The following C2orf92 variants were observed in gnomAD, a reference collection of about 807,000 sequenced individuals.
C2orf92 encodes the protein chromosome 2 open reading frame 92.
At chr2:97,664,175 T>G (rs189051742), upstream of C2orf92, 3 of 202,470 alleles carry the variant, frequency 1.5e-5, no homozygotes, top group African/African-American at 7.0e-5. Context: ...CGGAAAAAAG[T>G]GGTCGCGGCG....
upstream of C2orf92, among the ~76,000 whole-genome samples, chr2:97,666,675 T>C (rs1675240613): frequency 2.0e-5 from 3 of 151,456 alleles, no homozygotes; most frequent in African/African-American, 7.3e-5. Context: ...AAACCCTGTC[T>C]CTACAAAAAA....
chr2:97,679,639 T>C (rs1253067161), intron 3 of C2orf92, among the ~76,000 whole-genome samples: 5 of 151,370 alleles, frequency 3.3e-5, no homozygotes, highest in Admixed American at 2.0e-4. Context: ...GTCAGGAGTT[T>C]GAAACCAGCC....
intron 3 of C2orf92, among the ~76,000 whole-genome samples, 174 bp downstream of exon 3, chr2:97,676,102 G>A (rs1269971914): frequency 6.6e-6 from 1 of 152,058 alleles, no homozygotes; most frequent in Admixed American, 6.6e-5. Flanking sequence ...TAAGCTAAAC[G>A]TGGAAAATAA....
At chr2:97,673,968 T>G (rs1456125770) in intron 1 of C2orf92, among the ~76,000 whole-genome samples, 1 of 152,212 alleles carries the variant, frequency 6.6e-6, no homozygotes, top group African/African-American at 2.4e-5. Flanking sequence ...GCAGTCCGTG[T>G]GTTGCCATAG....
intron 3 of C2orf92, among the ~76,000 whole-genome samples, chr2:97,680,748 A>C (rs1386791095): frequency 6.6e-6 from 1 of 152,220 alleles, no homozygotes; most frequent in East Asian, 1.9e-4. Flanking sequence ...AACACGGTGA[A>C]ACCCCATCTC....
In C2orf92 at chr2:97,701,179, C is replaced by T. The variant is rs938964089; in HGVS notation, c.540C>T (p.Cys180=). The T allele has an allele frequency of 3.8e-5, 15 of 399,058 alleles. No homozygotes were observed. The highest frequency in any genetic ancestry group is 2.1e-4 in the African/African-American group (10 of 48,752). The allele number at this position is 399,058 out of a possible 1,614,324, so 24.7% of individuals were successfully genotyped here. ...ATGCTCACTTTAGGACTATGCCCTG[C>T]GGGCAGCTTCTGCACTTCCTGCAGA... The part of the protein sequence containing the change: ...KPDAHFRTMP[C]GQLLHFLQRN... Residue 180 remains cysteine, a synonymous_variant, in exon 7 of 8, where the codon TGC becomes TGT. Coordinates refer to ENST00000627399, the MANE Select transcript of C2orf92 (RefSeq NM_001351368.2).
chr2:97,702,059 A>G (rs1373153618), intron 7 of C2orf92: 1 of 152,328 alleles, frequency 6.6e-6, no homozygotes, highest in African/African-American at 2.4e-5. Context: ...CTGCGTCCCC[A>G]GGGACATGTA....
intron 3 of C2orf92, among the ~76,000 whole-genome samples, chr2:97,684,664 A>G (rs538473027): frequency 6.6e-6 from 1 of 152,304 alleles, no homozygotes; most frequent in South Asian, 2.1e-4. Flanking sequence ...TATCAAAGGC[A>G]TTTCTCCCAC....
upstream of C2orf92, among the ~76,000 whole-genome samples, chr2:97,667,438 T>G (rs1253401224): frequency 6.8e-6 from 1 of 147,544 alleles, no homozygotes; most frequent in Non-Finnish European, 1.5e-5. Context: ...AAGTTTTTTT[T>G]TTTTTTTTTT....
At chr2:97,680,740 C>T (rs979484189) in intron 3 of C2orf92, among the ~76,000 whole-genome samples, 1 of 152,094 alleles carries the variant, frequency 6.6e-6, no homozygotes, top group African/African-American at 2.4e-5. Flanking sequence ...TCCTGGCTAA[C>T]ACGGTGAAAC....
chr2:97,666,204 A>G (rs1005776618), upstream of C2orf92, among the ~76,000 whole-genome samples: 2 of 150,812 alleles, frequency 1.3e-5, no homozygotes, highest in South Asian at 2.1e-4. Flanking sequence ...TCTTATGACC[A>G]TGGGTTGGGA....
chr2:97,671,760 T>A, intron 1 of C2orf92: 2 of 338,432 alleles, frequency 5.9e-6, no homozygotes, highest in Non-Finnish European at 1.1e-5. Flanking sequence ...CACCTCACAC[T>A]AGCTGTGACA....
chr2:97,677,234 C>T (rs138839572), intron 3 of C2orf92, among the ~76,000 whole-genome samples: 106 of 152,162 alleles, frequency 7.0e-4, no homozygotes, highest in Non-Finnish European at 1.3e-3. Context: ...AAACTCAGGG[C>T]GCGTATTTTG....
At chr2:97,692,029 A>G (rs996853428) in intron 5 of C2orf92, among the ~76,000 whole-genome samples, 1 of 152,210 alleles carries the variant, frequency 6.6e-6, no homozygotes. Flanking sequence ...GAACTTTAAC[A>G]TCAACTTGTC....
intron 1 of C2orf92, chr2:97,672,133 C>G (rs1675437235): frequency 6.6e-6 from 1 of 151,958 alleles, no homozygotes. Flanking sequence ...GAAGTCTCTC[C>G]TGAGGGTGCC....
upstream of C2orf92, chr2:97,667,201 G>A (rs1001461493): frequency 2.6e-5 from 4 of 151,672 alleles, no homozygotes; most frequent in Non-Finnish European, 5.9e-5. Context: ...AGCAGACACC[G>A]AGTGTAGACT....
At chr2:97,701,012 T>C in intron 6 of C2orf92, 142 bp from the exon 7 acceptor site, 1 of 368,262 alleles carries the variant, frequency 2.7e-6, no homozygotes. Context: ...ATTACAGGCG[T>C]GAGCCACCGC....
At chr2:97,665,571 T>A (rs1214333607), upstream of C2orf92, among the ~76,000 whole-genome samples, 2 of 152,086 alleles carry the variant, frequency 1.3e-5, no homozygotes, top group East Asian at 3.9e-4. Flanking sequence ...AGGGGTCTTA[T>A]CTATGTAAAA....
intron 1 of C2orf92, chr2:97,670,284 G>A (rs1454043757): frequency 6.6e-6 from 1 of 152,250 alleles, no homozygotes; most frequent in East Asian, 1.9e-4. Context: ...TTGAGCTCAG[G>A]AGTTTGTGAC....
Sources: gnomAD v4.1 joint callset for allele counts (sites outside exome capture counted in the v4.1 genomes callset) on GRCh38, gnomAD v4.1.1 for gene constraint, MANE v1.5 for transcripts, NCBI Gene and HGNC (gene_info 2026-07-23, HGNC 2026-07-21) for gene names.